The following GRAMD1B variants were observed in gnomAD, a reference collection of about 807,000 sequenced individuals.
GRAMD1B encodes GRAM domain containing 1B.
GRAMD1B carries 37 observed loss-of-function variants against 99.7 expected under a neutral mutation model. The observed-to-expected ratio is 0.37, with a 90% CI of 0.29 to 0.49. The LOEUF is 0.49. GRAMD1B is among the 20% of genes least tolerant of loss of function. The pLI, the probability that GRAMD1B is intolerant of heterozygous loss-of-function variation, is 0.98. For missense variants in GRAMD1B, 888 were observed against 1,009.2 expected (o/e 0.88, Z 1.63); for synonymous variants, 427 against 387.6 (o/e 1.10, Z -1.19).
chr11:123,452,026 G>T (rs1251157198), intron 1 of GRAMD1B, among the ~76,000 whole-genome samples: 1 of 151,962 alleles, frequency 6.6e-6, no homozygotes, highest in Non-Finnish European at 1.5e-5. Flanking sequence ...TAGAGACAGG[G>T]TCTCACTATG....
intron 1 of GRAMD1B, among the ~76,000 whole-genome samples, chr11:123,381,925 C>T (rs1453183812): frequency 1.3e-5 from 2 of 152,142 alleles, no homozygotes; most frequent in Non-Finnish European, 2.9e-5. Context: ...GTGTTAGTGG[C>T]AGCACCTACT....
intron 1 of GRAMD1B, among the ~76,000 whole-genome samples, chr11:123,464,699 C>T (rs1950583797): frequency 6.6e-6 from 1 of 152,030 alleles, no homozygotes; most frequent in Non-Finnish European, 1.5e-5. Context: ...TCTTATGCAG[C>T]CAAGGTGGTA....
At chr11:123,606,145 C>T (rs537665937) in intron 10 of GRAMD1B, among the ~76,000 whole-genome samples, 5 of 152,220 alleles carry the variant, frequency 3.3e-5, no homozygotes, top group Non-Finnish European at 7.3e-5. Flanking sequence ...TCATTGGATA[C>T]CTGGTCTTTA....
At chr11:123,402,967 C>T (rs1591441741) in intron 1 of GRAMD1B, among the ~76,000 whole-genome samples, 1 of 148,084 alleles carries the variant, frequency 6.8e-6, no homozygotes, top group African/African-American at 2.5e-5. Context: ...GATTAAAAAT[C>T]TTTTTTTTTT....
At chr11:123,453,657 G>A (rs1032644508) in intron 1 of GRAMD1B, among the ~76,000 whole-genome samples, 3 of 152,022 alleles carry the variant, frequency 2.0e-5, no homozygotes. Context: ...TATTCCTTAG[G>A]GCAGGCTAAG....
chr11:123,581,359 AC>A (rs745533554), intron 3 of GRAMD1B, among the ~76,000 whole-genome samples: 2 of 152,190 alleles, frequency 1.3e-5, no homozygotes, highest in Non-Finnish European at 2.9e-5. Context: ...GCTACAGCAA[AC>A]TAAAGCCAGA....
chr11:123,402,967 C>CTT (rs10674808), intron 1 of GRAMD1B, among the ~76,000 whole-genome samples: 13,473 of 148,080 alleles, frequency 0.091, 1,124 homozygotes, highest in African/African-American at 0.22. Context: ...GATTAAAAAT[C>CTT]TTTTTTTTTT....
In GRAMD1B at chr11:123,594,871, T is replaced by C. The variant is rs911567592; in HGVS notation, c.873+33T>C. The C allele has an allele frequency of 3.6e-6, 4 of 1,115,576 alleles. No homozygotes were observed. In the African/African-American group the frequency reaches 6.1e-5, roughly 17 times the overall value. The allele number at this position is 1,115,576 out of a possible 1,614,324, so 69.1% of individuals were successfully genotyped here. ...CCTGGGCATGCTCCCTTGGGCTGTCTCCTTGGCTATGGCTGAGCAAGCTGC... is the reference window on the plus strand; with the variant it reads ...CCTGGGCATGCTCCCTTGGGCTGTCCCCTTGGCTATGGCTGAGCAAGCTGC... On this transcript the variant is annotated intron_variant, in intron 6 of 19. Coordinates refer to ENST00000635736, the MANE Select transcript of GRAMD1B (RefSeq NM_001387025.1).
chr11:123,407,565 C>T (rs1193675188), intron 1 of GRAMD1B, among the ~76,000 whole-genome samples: 3 of 152,140 alleles, frequency 2.0e-5, no homozygotes, highest in Non-Finnish European at 2.9e-5. Flanking sequence ...CACCAGAGGG[C>T]ATTAGGAACC....
At chr11:123,479,218 C>T (rs1205805743) in intron 1 of GRAMD1B, among the ~76,000 whole-genome samples, 2 of 152,114 alleles carry the variant, frequency 1.3e-5, no homozygotes, top group African/African-American at 2.4e-5. Flanking sequence ...TGTGTGGTAA[C>T]GTGTATGGTT....
At chr11:123,548,619 A>AATATAT (rs58404901) in intron 2 of GRAMD1B, among the ~76,000 whole-genome samples, 1 of 150,614 alleles carries the variant, frequency 6.6e-6, no homozygotes, top group African/African-American at 2.4e-5. Context: ...GCTTGAAATG[A>AATATAT]ATATATATAT....
chr11:123,513,552 C>T (rs1272617539), intron 2 of GRAMD1B, among the ~76,000 whole-genome samples: 4 of 121,532 alleles, frequency 3.3e-5, no homozygotes, highest in Non-Finnish European at 4.9e-5. Context: ...CCTTTCCTTT[C>T]TTTCCTTCCT....
Position 123,608,762 on chromosome 11 carries a change from G to C in GRAMD1B, c.1617G>C (p.Ser539=). The C allele has an allele frequency of 1.9e-6, 3 of 1,551,958 alleles. No individual in the cohort carries two copies. The highest frequency in any genetic ancestry group is 2.6e-6 in the Non-Finnish European group (3 of 1,147,156). ...DKLYDLLFTN[S]PFQRDFMEQR... Reference sequence around the variant, plus strand: ...TCTATGACCTCCTCTTCACCAACTCGCCCTTCCAGCGGGATTTCATGGAGC... The same window carrying C: ...TCTATGACCTCCTCTTCACCAACTCCCCCTTCCAGCGGGATTTCATGGAGC... Residue 539 remains serine (S), a synonymous_variant, in exon 12 of 20, where the codon TCG becomes TCC. Coordinates refer to ENST00000635736, the MANE Select transcript of GRAMD1B (RefSeq NM_001387025.1).
intron 2 of GRAMD1B, among the ~76,000 whole-genome samples, chr11:123,549,437 G>A (rs1945397442): frequency 6.6e-6 from 1 of 152,106 alleles, no homozygotes; most frequent in Non-Finnish European, 1.5e-5. Context: ...AGCTACTCGG[G>A]AAGCTGAGGC....
chr11:123,464,240 AC>A (rs1950563851), intron 1 of GRAMD1B, among the ~76,000 whole-genome samples: 5 of 152,016 alleles, frequency 3.3e-5, no homozygotes, highest in African/African-American at 9.7e-5. Flanking sequence ...GGAGTTGAAG[AC>A]TGCAGTGAGC....
intron 7 of GRAMD1B, among the ~76,000 whole-genome samples, chr11:123,596,270 A>G (rs1277879963): frequency 6.6e-6 from 1 of 152,224 alleles, no homozygotes; most frequent in East Asian, 1.9e-4. Flanking sequence ...CCTGAATTTG[A>G]GTCCATCGAC....
chr11:123,616,138 A>G (rs939862259), intron 17 of GRAMD1B, among the ~76,000 whole-genome samples: 1 of 152,138 alleles, frequency 6.6e-6, no homozygotes, highest in African/African-American at 2.4e-5. Flanking sequence ...CCTGGCTAAC[A>G]TGGTGAAACC....
chr11:123,549,795 T>G (rs1945435161), intron 2 of GRAMD1B, among the ~76,000 whole-genome samples: 1 of 152,092 alleles, frequency 6.6e-6, no homozygotes, highest in South Asian at 2.1e-4. Context: ...AACCCTCCTC[T>G]TTAAGAGTCA....
At chr11:123,512,703 CTT>C (rs766565214) in intron 2 of GRAMD1B, among the ~76,000 whole-genome samples, 35 of 102,996 alleles carry the variant, frequency 3.4e-4, no homozygotes, top group South Asian at 3.7e-4. Context: ...CATTGTGAAT[CTT>C]TTTTTTTTTT....
Sources: gnomAD v4.1 joint callset for allele counts (sites outside exome capture counted in the v4.1 genomes callset) on GRCh38, gnomAD v4.1.1 for gene constraint, MANE v1.5 for transcripts, NCBI Gene and HGNC (gene_info 2026-07-23, HGNC 2026-07-21) for gene names.